The following FBXL17 variants were observed in gnomAD, a reference collection of about 807,000 sequenced individuals.
FBXL17 encodes the protein F-box and leucine rich repeat protein 17.
In FBXL17, 22 loss-of-function variants were observed where a neutral mutation model predicts 66.2. That is an observed-to-expected ratio of 0.33 (90% confidence interval 0.24 to 0.47). The LOEUF (loss-of-function observed/expected upper bound fraction) is 0.47, where lower values mean the gene tolerates loss of function less well. FBXL17 is among the 20% of genes least tolerant of loss of function. The probability of loss-of-function intolerance (pLI) is 1.00; values close to 1 mark genes in which losing one functional copy is unlikely to be tolerated. For synonymous variants in FBXL17, 474 were observed against 400.5 expected (o/e 1.18, Z -2.19); for missense variants, 878 against 948.2 (o/e 0.93, Z 0.97).
At chr5:108,308,142 C>G (rs1282848411) in intron 4 of FBXL17, among the ~76,000 whole-genome samples, 1 of 151,928 alleles carries the variant, frequency 6.6e-6, no homozygotes, top group Admixed American at 6.6e-5. Context: ...TTTTCACTAT[C>G]ATGACTTTTT....
intron 8 of FBXL17, among the ~76,000 whole-genome samples, chr5:107,875,144 T>C (rs1171864519): frequency 6.6e-6 from 1 of 151,460 alleles, no homozygotes; most frequent in East Asian, 1.9e-4. Context: ...TGATATGGCA[T>C]CAATTTTAAA....
chr5:108,070,472 C>T (rs1748285521), intron 6 of FBXL17, among the ~76,000 whole-genome samples: 2 of 152,128 alleles, frequency 1.3e-5, no homozygotes, highest in South Asian at 4.2e-4. Flanking sequence ...GTTTTAAGTC[C>T]CCAACAGGGT....
intron 7 of FBXL17, among the ~76,000 whole-genome samples, chr5:107,931,416 C>T (rs368608790): frequency 5.9e-5 from 9 of 151,708 alleles, no homozygotes; most frequent in Non-Finnish European, 1.3e-4. Flanking sequence ...TGTGTCACCA[C>T]GCCTGGCTAA....
At chr5:108,234,933 A>C (rs1472180025) in intron 4 of FBXL17, among the ~76,000 whole-genome samples, 2 of 152,226 alleles carry the variant, frequency 1.3e-5, no homozygotes, top group Non-Finnish European at 2.9e-5. Context: ...GATTCTAAAT[A>C]AAGAGATGCA....
chr5:108,376,786 CTTTTTT>C (rs11286870), intron 1 of FBXL17, among the ~76,000 whole-genome samples: 2 of 110,024 alleles, frequency 1.8e-5, no homozygotes, highest in African/African-American at 3.2e-5. Context: ...AGTGTATATT[CTTTTTT>C]TTTTTTTTTT....
At chr5:107,988,895 C>T (rs542034080) in intron 7 of FBXL17, among the ~76,000 whole-genome samples, 79 of 152,090 alleles carry the variant, frequency 5.2e-4, no homozygotes, top group Admixed American at 2.7e-3. Flanking sequence ...TACAAAGAAG[C>T]CAACTCTTAA....
rs567831480 is a variant in FBXL17 at position 108,236,294 on chromosome 5, T to C, written c.1507-12066A>G. ...TGGAAGGCCAAGGCAGGAGGATCAT[T>C]TGAGGTCAGGAGTTCAAAACCAACC... On this transcript the variant is annotated intron_variant, in intron 4 of 8. Transcript: ENST00000542267. Among the ~76,000 whole-genome samples the C allele has an allele frequency of 2.4e-4, 36 of 151,582 alleles. 1 individual carries two copies. The highest frequency in any genetic ancestry group is 3.5e-3 in the Middle Eastern group (1 of 288).
intron 5 of FBXL17, among the ~76,000 whole-genome samples, chr5:108,201,983 C>G (rs1444367969): frequency 6.6e-6 from 1 of 151,562 alleles, no homozygotes; most frequent in Non-Finnish European, 1.5e-5. Context: ...CAACAAAAAC[C>G]ACAATTTACA....
intron 6 of FBXL17, among the ~76,000 whole-genome samples, chr5:108,092,330 G>A (rs183629823): frequency 2.5e-3 from 373 of 152,216 alleles, no homozygotes; most frequent in African/African-American, 8.6e-3. Flanking sequence ...TTTTTAGGCA[G>A]GGTCTCACTC....
intron 6 of FBXL17, among the ~76,000 whole-genome samples, chr5:108,141,618 C>A (rs866550382): frequency 6.6e-6 from 1 of 152,224 alleles, no homozygotes; most frequent in Non-Finnish European, 1.5e-5. Context: ...CAGATCTGGG[C>A]AGGTTACTTG....
rs1263401985 is a variant in FBXL17, at chr5:107,859,583, A to G, written c.*2137T>C. 8.5e-6 allele frequency: 1 copy of G among 117,916 alleles called. No homozygotes were observed. The highest frequency in any genetic ancestry group is 3.3e-5 in the African/African-American group (1 of 30,174). The allele number at this position is 117,916 out of a possible 1,614,324, so 7.3% of individuals were successfully genotyped here. A position where few individuals can be genotyped will look rare whatever the true frequency, so the allele number is the denominator to read the frequency against. On this transcript the variant is annotated 3_prime_UTR_variant, in exon 9 of 9. Transcript: ENST00000542267. ...CCACCCCCCCAAGCTAAAGCATGTT[A>G]TAGTGCTGTACTTTAGATTCAAACA...
chr5:108,286,682 C>G lies in FBXL17; in HGVS notation c.1506+61717G>C, dbSNP rs142003029. 5.6e-4 allele frequency among the ~76,000 whole-genome samples: 85 copies of G among 151,838 alleles called. 1 individual carries two copies. The East Asian group carries it at 0.015, about 28-fold the overall frequency. ...ATTCCATGCTCATAGTTAGGAAGAA[C>G]CAATATTGTTAAAATGGCCATACTG... On this transcript the variant is annotated intron_variant, in intron 4 of 8. Transcript: ENST00000542267.
intron 2 of FBXL17, 66 bp downstream of exon 2, chr5:108,367,765 C>T (rs1748765674): frequency 7.4e-7 from 1 of 1,351,616 alleles, no homozygotes; most frequent in Admixed American, 2.8e-5. Flanking sequence ...GTAAAGATTT[C>T]TGAAGAGGAA....
intron 6 of FBXL17, among the ~76,000 whole-genome samples, chr5:108,179,726 G>A (rs1228451150): frequency 6.6e-6 from 1 of 152,172 alleles, no homozygotes; most frequent in African/African-American, 2.4e-5. Flanking sequence ...ATTTTAAGCT[G>A]CATTCTGTCT....
At chr5:108,215,547 C>A (rs1156300176) in intron 5 of FBXL17, among the ~76,000 whole-genome samples, 3 of 152,256 alleles carry the variant, frequency 2.0e-5, no homozygotes, top group East Asian at 3.9e-4. Flanking sequence ...AAGTCTTTTG[C>A]ACATTTAAAA....
At chr5:108,002,324 G>A (rs943178032) in intron 7 of FBXL17, among the ~76,000 whole-genome samples, 3 of 151,134 alleles carry the variant, frequency 2.0e-5, no homozygotes, top group Non-Finnish European at 4.4e-5. Flanking sequence ...GCGCCCAGTC[G>A]TCTCTTATAG....
At chr5:107,890,180 CA>C (rs1749149945) in intron 7 of FBXL17, among the ~76,000 whole-genome samples, 1 of 152,200 alleles carries the variant, frequency 6.6e-6, no homozygotes, top group South Asian at 2.1e-4. Flanking sequence ...AAAATCCTGA[CA>C]TTACATTAGA....
intron 6 of FBXL17, among the ~76,000 whole-genome samples, chr5:108,102,020 C>T (rs766100500): frequency 3.9e-5 from 6 of 152,098 alleles, no homozygotes; most frequent in South Asian, 2.1e-4. Flanking sequence ...GCAATTGGTG[C>T]GGCAGGGAAT....
At chr5:108,141,149 A>T (rs951027734) in intron 6 of FBXL17, among the ~76,000 whole-genome samples, 14 of 152,080 alleles carry the variant, frequency 9.2e-5, no homozygotes, top group Non-Finnish European at 1.9e-4. Context: ...TGCTCCACAC[A>T]TGGTGTTCCT....
Sources: allele counts gnomAD v4.1 joint callset (sites outside exome capture counted in the v4.1 genomes callset), GRCh38; gene constraint gnomAD v4.1.1; transcripts MANE v1.5; gene names NCBI Gene and HGNC (gene_info 2026-07-23, HGNC 2026-07-21).